Variants in SSTR2 observed in about 807,000 individuals in gnomAD.
The protein encoded by SSTR2 is somatostatin receptor type 2.
In SSTR2, 10 loss-of-function variants were observed where a neutral mutation model predicts 21.4. The ratio of observed to expected loss-of-function variants is 0.47; its 90% CI spans 0.29 to 0.79. The LOEUF (loss-of-function observed/expected upper bound fraction) is 0.79, where lower values mean the gene tolerates loss of function less well. Ranked by LOEUF, SSTR2 falls within the 30% of genes least tolerant of loss-of-function variation. The pLI, the probability that SSTR2 is intolerant of heterozygous loss-of-function variation, is 0.10. For missense variants in SSTR2, 364 were observed against 468.8 expected (o/e 0.78, Z 2.06); for synonymous variants, 177 against 181.3 (o/e 0.98, Z 0.19).
At chr17:73,165,788 G>A (rs1179981923) in intron 1 of SSTR2, among the ~76,000 whole-genome samples, 1 of 151,134 alleles carries the variant, frequency 6.6e-6, no homozygotes, top group African/African-American at 2.4e-5. Context: ...GACGCTGAAC[G>A]ATCTAGGATC....
Position 73,169,407 on chromosome 17 carries a change from A to C in SSTR2, c.88A>C (p.Thr30Pro). ...DLNGSVVSTNTSNQTEPYYDL... is the reference protein window; with the variant it reads ...DLNGSVVSTNPSNQTEPYYDL... Reference sequence around the variant, plus strand: ...CAATGGCTCTGTGGTGTCAACCAACACCTCAAACCAGACAGAGCCGTACTA... The same window carrying C: ...CAATGGCTCTGTGGTGTCAACCAACCCCTCAAACCAGACAGAGCCGTACTA... The change falls in exon 2 of 2, where the codon ACC (threonine) becomes CCC (proline). Residue 30 changes from threonine to proline, a missense_variant. Physicochemically the swap from Thr to Pro is conservative, Grantham distance 38. This residue lies in a region of SSTR2 where 75 missense variants were observed against 75.4 expected (regional missense o/e 0.99). Transcript: ENST00000357585. This position sits in a 1 kb window ranked among gnomAD's most constrained non-coding sequence, Gnocchi z 5.2. 1 of 1,614,242 alleles carries C rather than the reference A, an allele frequency of 6.2e-7. No individual in the cohort carries two copies. The highest frequency in any genetic ancestry group is 1.1e-5 in the South Asian group (1 of 91,090).
intron 1 of SSTR2, among the ~76,000 whole-genome samples, chr17:73,167,727 C>A (rs1368006412): frequency 1.3e-5 from 2 of 152,152 alleles, no homozygotes; most frequent in East Asian, 3.9e-4. Context: ...TCGTGCAATG[C>A]CCACCCTATA....
chr17:73,175,010 G>A lies in SSTR2; in HGVS notation c.*4581G>A, dbSNP rs2145074140. On this transcript the variant is annotated 3_prime_UTR_variant, in exon 2 of 2. Coordinates refer to ENST00000357585, the MANE Select transcript of SSTR2 (RefSeq NM_001050.3). ...TTTAAACAGTCAAAATAGAAAGAAA[G>A]AAAGAAAGGTGGCAAGAGAATTATC... 1 of 152,410 alleles carries A rather than the reference G, an allele frequency of 6.6e-6. No individual in the cohort carries two copies. Among genetic ancestry groups the A allele is most frequent in the African/African-American group, 2.4e-5 (1 of 41,558 alleles). 9.4% of individuals were successfully genotyped at this position (152,410 alleles called of 1,614,324 possible).
In SSTR2 at chr17:73,171,673, C is replaced by A. The variant is rs976856484; in HGVS notation, c.*1244C>A. ...TGGTGGCTTACACCTGTAATCCCAGCACTTTGGGAGGCCGAGGTGGGTGGA... is the reference window on the plus strand; with the variant it reads ...TGGTGGCTTACACCTGTAATCCCAGAACTTTGGGAGGCCGAGGTGGGTGGA... On this transcript the variant is annotated 3_prime_UTR_variant, in exon 2 of 2. Coordinates refer to ENST00000357585, the MANE Select transcript of SSTR2 (RefSeq NM_001050.3). The A allele has an allele frequency of 3.0e-5, 5 of 164,232 alleles. No homozygotes were observed. Among genetic ancestry groups the A allele is most frequent in the African/African-American group, 1.2e-4 (5 of 41,402 alleles). 10.2% of individuals were successfully genotyped at this position (164,232 alleles called of 1,614,324 possible). A position where few individuals can be genotyped will look rare whatever the true frequency, so the allele number is the denominator to read the frequency against.
chr17:73,167,555 C>T (rs2061220282), intron 1 of SSTR2, among the ~76,000 whole-genome samples: 1 of 152,218 alleles, frequency 6.6e-6, no homozygotes, highest in Admixed American at 6.5e-5. Flanking sequence ...CTCTGCTGAA[C>T]ACACCACCCT....
rs781058496 is a variant in SSTR2, at chr17:73,169,426, C to T, written c.107C>T (p.Pro36Leu). Residue 36 changes from proline to leucine, a missense_variant, in exon 2 of 2, where the codon CCG becomes CTG. Physicochemically the swap from Pro to Leu is moderately conservative, Grantham distance 98. Coordinates refer to ENST00000357585, the MANE Select transcript of SSTR2 (RefSeq NM_001050.3). The surrounding 1 kb of genome is among the most constrained non-coding windows in gnomAD (Gnocchi z 5.2). ...VSTNTSNQTE[P>L]YYDLTSNAVL... ...ACCAACACCTCAAACCAGACAGAGC[C>T]GTACTATGACCTGACAAGCAATGCA... 1.2e-5 allele frequency: 20 copies of T among 1,614,256 alleles called. No homozygotes were observed. The highest frequency in any genetic ancestry group is 1.6e-4 in the Middle Eastern group (1 of 6,062).
In SSTR2 at chr17:73,170,108, T is replaced by C. The variant is rs371630383; in HGVS notation, c.789T>C (p.Ala263=). The C allele has an allele frequency of 3.1e-6, 5 of 1,614,092 alleles. No homozygotes were observed. The highest frequency in any genetic ancestry group is 4.2e-6 in the Non-Finnish European group (5 of 1,180,052). Residue 263 remains alanine (A), a synonymous_variant, in exon 2 of 2, where the codon GCT becomes GCC. Coordinates refer to ENST00000357585, the MANE Select transcript of SSTR2 (RefSeq NM_001050.3). The stretch of plus-strand genomic sequence containing the variant: ...CCCGAATGGTGTCCATCGTGGTGGC[T>C]GTCTTCATCTTCTGCTGGCTTCCCT... ...KVTRMVSIVV[A]VFIFCWLPFY...
chr17:73,169,999 G>A lies in SSTR2; in HGVS notation c.680G>A (p.Cys227Tyr). The A allele has an allele frequency of 6.2e-7, 1 of 1,612,058 alleles. No individual in the cohort carries two copies. The highest frequency in any genetic ancestry group is 8.5e-7 in the Non-Finnish European group (1 of 1,178,460). Residue 227 changes from cysteine to tyrosine, a missense_variant, in exon 2 of 2, where the codon TGC (cysteine) becomes TAC (tyrosine). Coordinates refer to ENST00000357585, the MANE Select transcript of SSTR2 (RefSeq NM_001050.3). This position sits in a 1 kb window ranked among gnomAD's most constrained non-coding sequence, Gnocchi z 5.2. ...GTACCCCTCACCATCATCTGTCTTTGCTACCTGTTCATTATCATCAAGGTG... is the reference window on the plus strand; with the variant it reads ...GTACCCCTCACCATCATCTGTCTTTACTACCTGTTCATTATCATCAAGGTG... ...FLVPLTIICL[C>Y]YLFIIIKVKS...
chr17:73,170,406 G>A lies in SSTR2; in HGVS notation c.1087G>A (p.Gly363Arg). ...GGAGACCCAGAGGACCCTCCTCAATGGAGACCTCCAAACCAGTATCTGAAC... is the reference window on the plus strand; with the variant it reads ...GGAGACCCAGAGGACCCTCCTCAATAGAGACCTCCAAACCAGTATCTGAAC... ...TTETQRTLLNGDLQTSI is the reference protein window; with the variant it reads ...TTETQRTLLNRDLQTSI Residue 363 changes from glycine to arginine, a missense_variant, in exon 2 of 2, where the codon GGA becomes AGA. Physicochemically the swap from Gly to Arg is moderately radical, Grantham distance 125. Around this residue, in one of 4 missense-constraint regions of SSTR2, gnomAD observed 71 missense variants for 53.8 expected, o/e 1.32. Transcript: ENST00000357585. 1 of 1,613,530 alleles carries A rather than the reference G, an allele frequency of 6.2e-7. No homozygotes were observed. Among genetic ancestry groups the A allele is most frequent in the Non-Finnish European group, 8.5e-7 (1 of 1,179,922 alleles).
rs758728764 is a variant in SSTR2 at position 73,169,201 on chromosome 17, G to A, written c.-92-27G>A. The A allele has an allele frequency of 1.2e-5, 15 of 1,261,272 alleles. No homozygotes were observed. The highest frequency in any genetic ancestry group is 2.8e-4 in the Middle Eastern group (1 of 3,570). 78.1% of individuals were successfully genotyped at this position (1,261,272 alleles called of 1,614,324 possible). A position where few individuals can be genotyped will look rare whatever the true frequency, so the allele number is the denominator to read the frequency against. On this transcript the variant is annotated intron_variant, in intron 1 of 1. Coordinates refer to ENST00000357585, the MANE Select transcript of SSTR2 (RefSeq NM_001050.3). This position sits in a 1 kb window ranked among gnomAD's most constrained non-coding sequence, Gnocchi z 5.2. The stretch of plus-strand genomic sequence containing the variant: ...AGACTTTAAACAGCCTGTGACCGAC[G>A]GGCCAATCTTCCTCTTTTCCTTCCA...
At position 73,172,676 on chromosome 17, in the gene SSTR2, T is replaced by C. The variant is rs2061238925; in HGVS notation, c.*2247T>C. On this transcript the variant is annotated 3_prime_UTR_variant, in exon 2 of 2. Coordinates refer to ENST00000357585, the MANE Select transcript of SSTR2 (RefSeq NM_001050.3). ...ATGCAGGAAAATCCCACACCATTAG[T>C]AAAAGTAAGGTCAACTGTAAGTTCA... The C allele has an allele frequency of 6.6e-6, 1 of 151,954 alleles. No homozygotes were observed. Among genetic ancestry groups the C allele is most frequent in the Non-Finnish European group, 1.5e-5 (1 of 68,006 alleles). The allele number at this position is 151,954 out of a possible 1,614,324, so 9.4% of individuals were successfully genotyped here. A position where few individuals can be genotyped will look rare whatever the true frequency, so the allele number is the denominator to read the frequency against.
chr17:73,167,026 A>G lies in SSTR2; in HGVS notation c.-93+1738A>G, dbSNP rs190951879. On this transcript the variant is annotated intron_variant, in intron 1 of 1. Coordinates refer to ENST00000357585, the MANE Select transcript of SSTR2 (RefSeq NM_001050.3). ...CTCAGACATTGGAGTGTGACCATTC[A>G]TGTTATATAGATGGGCCCCTGGAAA... Among the ~76,000 whole-genome samples, 5 of 152,136 alleles carry G rather than the reference A, an allele frequency of 3.3e-5. 1 individual carries two copies. Among genetic ancestry groups the G allele is most frequent in the African/African-American group, 1.2e-4 (5 of 41,424 alleles).
chr17:73,167,696 CT>C (rs2061220758), intron 1 of SSTR2, among the ~76,000 whole-genome samples: 1 of 152,138 alleles, frequency 6.6e-6, no homozygotes, highest in Non-Finnish European at 1.5e-5. Context: ...GGAAGGCATT[CT>C]TAAGTCCTTC....
rs189095105 is a variant in SSTR2, at chr17:73,171,212, A to C, written c.*783A>C. 4.8e-4 allele frequency: 81 copies of C among 169,606 alleles called. No individual in the cohort carries two copies. The highest frequency in any genetic ancestry group is 2.2e-3 in the South Asian group (11 of 4,988). 10.5% of individuals were successfully genotyped at this position (169,606 alleles called of 1,614,324 possible). A position where few individuals can be genotyped will look rare whatever the true frequency, so the allele number is the denominator to read the frequency against. ...ATTTGAAGAACCAGAATGTAAATTC[A>C]TGTGTTTCCACTTCTCAGATATAGT... On this transcript the variant is annotated 3_prime_UTR_variant, in exon 2 of 2. Transcript: ENST00000357585.
intron 1 of SSTR2, among the ~76,000 whole-genome samples, chr17:73,168,863 A>C (rs903579865): frequency 3.3e-5 from 5 of 152,206 alleles, no homozygotes; most frequent in Non-Finnish European, 7.3e-5. Context: ...GGTAGGGAAG[A>C]GGCCAGGAAT....
At position 73,169,200 on chromosome 17, in the gene SSTR2, C is replaced by T. The variant is rs913445968; in HGVS notation, c.-92-28C>T. 4.6e-5 allele frequency: 58 copies of T among 1,251,960 alleles called. No homozygotes were observed. Among genetic ancestry groups the T allele is most frequent in the Admixed American group, 1.7e-4 (6 of 35,824 alleles). 77.6% of individuals were successfully genotyped at this position (1,251,960 alleles called of 1,614,324 possible). A position where few individuals can be genotyped will look rare whatever the true frequency, so the allele number is the denominator to read the frequency against. ...GAGACTTTAAACAGCCTGTGACCGA[C>T]GGGCCAATCTTCCTCTTTTCCTTCC... On this transcript the variant is annotated intron_variant, in intron 1 of 1. Coordinates refer to ENST00000357585, the MANE Select transcript of SSTR2 (RefSeq NM_001050.3). The surrounding 1 kb of genome is among the most constrained non-coding windows in gnomAD (Gnocchi z 5.2).
rs927845372 is a variant in SSTR2, at chr17:73,167,762, C to T, written c.-92-1466C>T. 4.6e-5 allele frequency among the ~76,000 whole-genome samples: 7 copies of T among 152,284 alleles called. No homozygotes were observed. The East Asian group carries it at 1.3e-3, about 29-fold the overall frequency. On this transcript the variant is annotated intron_variant, in intron 1 of 1. Transcript: ENST00000357585. ...ATGAGCTGGCTTCCTTTCCTATCTC[C>T]CCTTTTAAATTATCACCTCCTAGAG... is the stretch of plus-strand genomic sequence containing the variant.
chr17:73,171,889 C>G lies in SSTR2; in HGVS notation c.*1460C>G, dbSNP rs1458063523. ...TAAGCTGAGATTGTGCCACTGCACT[C>G]TAGCCTGAGCAACAAGAGCAAAACT... On this transcript the variant is annotated 3_prime_UTR_variant, in exon 2 of 2. Coordinates refer to ENST00000357585, the MANE Select transcript of SSTR2 (RefSeq NM_001050.3). 8.6e-6 allele frequency: 1 copy of G among 116,632 alleles called. No homozygotes were observed. The highest frequency in any genetic ancestry group is 1.6e-5 in the Non-Finnish European group (1 of 61,586). The allele number at this position is 116,632 out of a possible 1,614,324, so 7.2% of individuals were successfully genotyped here. A position where few individuals can be genotyped will look rare whatever the true frequency, so the allele number is the denominator to read the frequency against.
chr17:73,171,005 G>T lies in SSTR2; in HGVS notation c.*576G>T. On this transcript the variant is annotated 3_prime_UTR_variant, in exon 2 of 2. Transcript: ENST00000357585. ...GGCCCAGGAGGGACTTGGGCAGTATGTTCATGTGGTCATATGTTTTTGTAA... is the reference window on the plus strand; with the variant it reads ...GGCCCAGGAGGGACTTGGGCAGTATTTTCATGTGGTCATATGTTTTTGTAA... 1 of 248,588 alleles carries T rather than the reference G, an allele frequency of 4.0e-6. No homozygotes were observed. The highest frequency in any genetic ancestry group is 5.9e-5 in the South Asian group (1 of 16,904). 15.4% of individuals were successfully genotyped at this position (248,588 alleles called of 1,614,324 possible). A position where few individuals can be genotyped will look rare whatever the true frequency, so the allele number is the denominator to read the frequency against.
Sources: allele counts gnomAD v4.1 joint callset (sites outside exome capture counted in the v4.1 genomes callset), GRCh38; gene constraint gnomAD v4.1.1; regional missense constraint gnomAD v4.1.1; non-coding constraint Gnocchi (gnomAD v3.1); transcripts MANE v1.5; gene names NCBI Gene and HGNC (gene_info 2026-07-23, HGNC 2026-07-21).